The following CCNH variants were observed in gnomAD, a reference collection of about 807,000 sequenced individuals.
CCNH encodes cyclin H, also known as cyclin-H.
CCNH carries 31 observed loss-of-function variants against 41.9 expected under a neutral mutation model. The ratio of observed to expected loss-of-function variants is 0.74; its 90% confidence interval spans 0.56 to 1.00. The LOEUF (loss-of-function observed/expected upper bound fraction) is 1.00, where lower values mean the gene tolerates loss of function less well. Ranked by LOEUF, CCNH falls within the 50% of genes least tolerant of loss-of-function variation. The pLI is 0.00. For synonymous variants in CCNH, 138 were observed against 136.1 expected, an observed-to-expected ratio of 1.01 and a Z score of -0.10; for missense variants, 362 against 388.4, an observed-to-expected ratio of 0.93 and a Z score of 0.57.
chr5:87,368,398 G>T (rs1760683810), intron 9 of CCNH, among the ~76,000 whole-genome samples: 1 of 151,942 alleles, frequency 6.6e-6, no homozygotes, highest in Non-Finnish European at 1.5e-5. Context: ...TCTGTCTTCA[G>T]TATCTGCATT....
At chr5:87,369,861 C>T (rs747745016) in intron 9 of CCNH, 1 of 1,612,244 alleles carries the variant, frequency 6.2e-7, no homozygotes, top group South Asian at 1.1e-5. Context: ...AAGAACATTA[C>T]ATCTTTTACT....
intron 9 of CCNH, among the ~76,000 whole-genome samples, chr5:87,322,800 A>C (rs1756926323): frequency 6.6e-6 from 1 of 152,236 alleles, no homozygotes; most frequent in Admixed American, 6.5e-5. Context: ...TAGATATATA[A>C]ACACAACCAC....
At chr5:87,394,852 T>TAAAAAAAAA in intron 8 of CCNH, 192 bp downstream of exon 8, 1 of 1,375,590 alleles carries the variant, frequency 7.3e-7, no homozygotes, top group Non-Finnish European at 9.4e-7. Context: ...GATTCTTCAT[T>TAAAAAAAAA]AAATAAAGAC....
chr5:87,411,612 C>A (rs1456699053), intron 1 of CCNH, among the ~76,000 whole-genome samples: 1 of 152,096 alleles, frequency 6.6e-6, no homozygotes, highest in Non-Finnish European at 1.5e-5. Context: ...TCATGACAGG[C>A]TGTGTGCACA....
Position 87,408,167 on chromosome 5 carries a change from C to A in CCNH, c.334G>T (p.Ala112Ser). The A allele has an allele frequency of 6.3e-7, 1 of 1,591,590 alleles. No homozygotes were observed. Among genetic ancestry groups the A allele is most frequent in the Non-Finnish European group, 8.6e-7 (1 of 1,167,240 alleles). ...RIIMLTCAFLACKVDEFNVSS... is the reference protein window; with the variant it reads ...RIIMLTCAFLSCKVDEFNVSS... ...ACATTGAATTCATCTACTTTGCAGG[C>A]CAAAAATGCACAAGTGAGCCTAGAG... is the stretch of plus-strand genomic sequence containing the variant. Residue 112 changes from alanine to serine, a missense_variant, in exon 4 of 9, where the codon GCC becomes TCC. Transcript: ENST00000256897.
chr5:87,412,727 C>T lies in CCNH; in HGVS notation c.68G>A (p.Arg23Gln), dbSNP rs1036634923. ...FSSEEQLARL[R>Q]ADANRKFRCK... ...TCTGAATTTGCGGTTGGCGTCAGCC[C>T]GCAGTCTTGCCAGCTGCTCCTCGCT... Residue 23 changes from arginine to glutamine, a missense_variant, in exon 1 of 9, where the codon CGG (arginine) becomes CAG (glutamine). Physicochemically the swap from Arg to Gln is conservative, Grantham distance 43. Transcript: ENST00000256897. The T allele has an allele frequency of 5.6e-6, 9 of 1,614,214 alleles. No homozygotes were observed. The highest frequency in any genetic ancestry group is 7.6e-6 in the Non-Finnish European group (9 of 1,180,030).
At chr5:87,394,920 CA>C in intron 8 of CCNH, 123 bp downstream of exon 8, 1 of 1,538,206 alleles carries the variant, frequency 6.5e-7, no homozygotes, top group East Asian at 2.3e-5. Context: ...AGGAAGTATG[CA>C]AAAAATGAAA....
At chr5:87,392,961 C>G (rs1207514169), downstream of CCNH, 3 of 151,912 alleles carry the variant, frequency 2.0e-5, no homozygotes, top group Non-Finnish European at 4.4e-5. Flanking sequence ...TAGAGCCTAG[C>G]AGCAATATAT....
intron 9 of CCNH, among the ~76,000 whole-genome samples, chr5:87,324,415 A>G (rs1757066402): frequency 6.6e-6 from 1 of 152,176 alleles, no homozygotes; most frequent in Admixed American, 6.5e-5. Context: ...AAACTTCACA[A>G]TCATGGTTGA....
chr5:87,366,830 G>C (rs1448841741), intron 9 of CCNH, among the ~76,000 whole-genome samples: 1 of 152,104 alleles, frequency 6.6e-6, no homozygotes, highest in Non-Finnish European at 1.5e-5. Context: ...TCAGGGGTTG[G>C]AGACCAGCCT....
At chr5:87,364,213 G>A (rs553353983) in intron 9 of CCNH, among the ~76,000 whole-genome samples, 1 of 152,102 alleles carries the variant, frequency 6.6e-6, no homozygotes, top group Non-Finnish European at 1.5e-5. Flanking sequence ...GCCGCAGGAT[G>A]GCATTTCTGT....
At chr5:87,350,362 C>G (rs572195059) in intron 9 of CCNH, among the ~76,000 whole-genome samples, 1 of 151,726 alleles carries the variant, frequency 6.6e-6, no homozygotes, top group Non-Finnish European at 1.5e-5. Flanking sequence ...AATTTGAGTT[C>G]TTTAAGAATG....
chr5:87,375,806 C>T (rs1761284694), downstream of CCNH, among the ~76,000 whole-genome samples: 1 of 152,140 alleles, frequency 6.6e-6, no homozygotes, highest in South Asian at 2.1e-4. Context: ...TATGTATTAA[C>T]AGATCAAAGC....
intron 9 of CCNH, among the ~76,000 whole-genome samples, chr5:87,338,537 T>TATATATATATATATATATA (rs1421369290): frequency 3.8e-5 from 3 of 79,792 alleles, no homozygotes; most frequent in Non-Finnish European, 8.0e-5. Flanking sequence ...ATATATAAAA[T>TATATATATATATATATATA]TTTTTTTTTT....
intron 9 of CCNH, among the ~76,000 whole-genome samples, chr5:87,330,163 G>A (rs961100964): frequency 6.6e-6 from 1 of 152,064 alleles, no homozygotes; most frequent in African/African-American, 2.4e-5. Context: ...CTTGGTTTTA[G>A]AAGAAAACTA....
chr5:87,353,108 T>G (rs1759396794), intron 9 of CCNH: 1 of 1,433,654 alleles, frequency 7.0e-7, no homozygotes, highest in Non-Finnish European at 9.8e-7. Context: ...TTTTAAAGAT[T>G]TTGCAGTTTT....
chr5:87,381,978 G>A (rs1319246888), upstream of CCNH, among the ~76,000 whole-genome samples: 4 of 152,074 alleles, frequency 2.6e-5, no homozygotes, highest in African/African-American at 9.7e-5. Flanking sequence ...TTGAGACAGG[G>A]TCTTGCTCTG....
rs1346170750 is a variant in CCNH at position 87,338,528 on chromosome 5, TATATAAAA to T, written c.*91-19639_*91-19632del. Among the ~76,000 whole-genome samples, 142 of 102,506 alleles carry T rather than the reference TATATAAAA, an allele frequency of 1.4e-3. 4 individuals are homozygous for T. Among genetic ancestry groups the T allele is most frequent in the East Asian group, 8.1e-3 (25 of 3,070 alleles). The allele number at this position is 102,506 out of a possible 152,430, so 67.2% of individuals were successfully genotyped here. Reference sequence around the variant, plus strand: ...ATATATATATATATATATATATATATATATAAAATTTTTTTTTTTTTTAAGTAGAAATG... The same window carrying T: ...ATATATATATATATATATATATATATTTTTTTTTTTTTTTAAGTAGAAATG... On this transcript the variant is annotated intron_variant and NMD_transcript_variant, in intron 9 of 9. Transcript: ENST00000645953.
chr5:87,323,440 G>A (rs1172232568), intron 9 of CCNH, among the ~76,000 whole-genome samples: 2 of 152,086 alleles, frequency 1.3e-5, no homozygotes, highest in African/African-American at 4.8e-5. Context: ...CTGTTCCCCT[G>A]CCCTGTGCTC....
Sources: allele counts gnomAD v4.1 joint callset (sites outside exome capture counted in the v4.1 genomes callset), GRCh38; gene constraint gnomAD v4.1.1; transcripts MANE v1.5; gene names NCBI Gene and HGNC (gene_info 2026-07-23, HGNC 2026-07-21).